The following ZNF423 variants were observed in gnomAD, a reference collection of about 807,000 sequenced individuals.
ZNF423 encodes zinc finger protein 423.
ZNF423 carries 12 observed loss-of-function variants against 95.8 expected under a neutral mutation model. That is an observed-to-expected ratio of 0.13 (90% CI 0.08 to 0.20). ZNF423 has a LOEUF of 0.20. Among genes scored for constraint, ZNF423 ranks in the 10% least tolerant of loss-of-function variants. ZNF423 has a pLI of 1.00. For synonymous variants in ZNF423, 749 were observed against 711.9 expected (o/e 1.05, Z -0.83); for missense variants, 1,316 against 1,737.1 (o/e 0.76, Z 4.31).
At position 49,709,245 on chromosome 16, in the gene ZNF423, C is replaced by T. The variant is rs567011393; in HGVS notation, c.301+21526G>A. On this transcript the variant is annotated intron_variant, in intron 3 of 7. Transcript: ENST00000563137. ...GAAACAAAGCTGACTTCAGAAGCAC[C>T]ATCATTTCCTGCCTCTTGTCTCCCC... 5.1e-4 allele frequency among the ~76,000 whole-genome samples: 76 copies of T among 150,206 alleles called. No homozygotes were observed. The South Asian group carries it at 0.016, about 32-fold the overall frequency.
In ZNF423 at chr16:49,497,751, T is replaced by A. The variant is rs550642188; in HGVS notation, c.3850-6447A>T. On this transcript the variant is annotated intron_variant, in intron 7 of 7. Transcript: ENST00000563137. ...CTAGGGCCAAGCCCGAGAATGCACCTTAACCACTGAGAGATTCCCTTTCCA... is the reference window on the plus strand; with the variant it reads ...CTAGGGCCAAGCCCGAGAATGCACCATAACCACTGAGAGATTCCCTTTCCA... Among the ~76,000 whole-genome samples the A allele has an allele frequency of 2.6e-5, 4 of 152,356 alleles. No individual in the cohort carries two copies. In the East Asian group the frequency reaches 7.7e-4, roughly 29 times the overall value.
intron 5 of ZNF423, among the ~76,000 whole-genome samples, chr16:49,598,063 A>G (rs2044760130): frequency 6.6e-6 from 1 of 152,136 alleles, no homozygotes; most frequent in African/African-American, 2.4e-5. Flanking sequence ...GAGCTTGTCA[A>G]TCACACACAA....
chr16:49,824,228 T>C (rs1299152166), intron 1 of ZNF423, among the ~76,000 whole-genome samples: 2 of 152,092 alleles, frequency 1.3e-5, no homozygotes, highest in Admixed American at 6.6e-5. Flanking sequence ...CAGCCAGGCA[T>C]TGCGTCTCCA....
At chr16:49,569,656 T>C (rs887702357) in intron 5 of ZNF423, among the ~76,000 whole-genome samples, 26 of 152,206 alleles carry the variant, frequency 1.7e-4, no homozygotes, top group African/African-American at 6.0e-4. Flanking sequence ...TGGTAGGCAC[T>C]TGATAAATGG....
At chr16:49,569,096 T>A (rs1413092807) in intron 5 of ZNF423, among the ~76,000 whole-genome samples, 1 of 152,148 alleles carries the variant, frequency 6.6e-6, no homozygotes, top group Non-Finnish European at 1.5e-5. Flanking sequence ...TGGTGACCAA[T>A]CCTGTTTTCT....
At chr16:49,854,832 G>C (rs537749082) in intron 1 of ZNF423, 139 of 985,280 alleles carry the variant, frequency 1.4e-4, no homozygotes, top group Non-Finnish European at 1.6e-4. Context: ...AGGGATGGGT[G>C]TGTGTATCTA....
intron 5 of ZNF423, among the ~76,000 whole-genome samples, chr16:49,551,899 C>T (rs1419349642): frequency 6.6e-6 from 1 of 152,224 alleles, no homozygotes; most frequent in Non-Finnish European, 1.5e-5. Flanking sequence ...CACTTGTACA[C>T]TGTGCAAGTC....
chr16:49,783,412 G>C lies in ZNF423; in HGVS notation c.100+6075C>G, dbSNP rs1471283749. Among the ~76,000 whole-genome samples the C allele has an allele frequency of 2.2e-5, 3 of 135,956 alleles. No individual in the cohort carries two copies. In the East Asian group the frequency reaches 6.6e-4, roughly 30 times the overall value. The allele number at this position is 135,956 out of a possible 152,430, so 89.2% of individuals were successfully genotyped here. Reference sequence around the variant, plus strand: ...AAGAGGGGCGTTAGGGTTAGGGTTAGAGTAGGGTTAGGGTTAGTAGCAGGC... The same window carrying C: ...AAGAGGGGCGTTAGGGTTAGGGTTACAGTAGGGTTAGGGTTAGTAGCAGGC... On this transcript the variant is annotated intron_variant, in intron 2 of 7. Transcript: ENST00000563137.
chr16:49,636,011 C>T lies in ZNF423; in HGVS notation c.3165G>A (p.Ala1055=), dbSNP rs146700251. ...IHGTFHMQKL[A]GSSAASSPNG... ...TGGGGGAGGACGCCGCTGAGCTGCCCGCCAGCTTCTGCATGTGGAAGGTGC... is the reference window on the plus strand; with the variant it reads ...TGGGGGAGGACGCCGCTGAGCTGCCTGCCAGCTTCTGCATGTGGAAGGTGC... Residue 1055 remains alanine, a synonymous_variant, in exon 4 of 8, where the codon GCG becomes GCA. Transcript: ENST00000563137. This position sits in a 1 kb window ranked among gnomAD's most constrained non-coding sequence, Gnocchi z 8.6. The T allele has an allele frequency of 1.5e-4, 245 of 1,606,944 alleles. No homozygotes were observed. Among genetic ancestry groups the T allele is most frequent in the East Asian group, 4.5e-4 (20 of 44,706 alleles).
chr16:49,498,426 G>C (rs1441566812), intron 7 of ZNF423, among the ~76,000 whole-genome samples: 1 of 152,222 alleles, frequency 6.6e-6, no homozygotes, highest in East Asian at 1.9e-4. Flanking sequence ...CAGAAGCACA[G>C]GGTATGTGCC....
At chr16:49,628,208 C>T (rs555330035) in intron 4 of ZNF423, among the ~76,000 whole-genome samples, 13 of 146,296 alleles carry the variant, frequency 8.9e-5, no homozygotes, top group African/African-American at 3.3e-4. Context: ...CCTTCATCTA[C>T]CCACCCATTT....
chr16:49,830,589 A>G (rs1203550125), intron 1 of ZNF423, among the ~76,000 whole-genome samples: 2 of 152,074 alleles, frequency 1.3e-5, no homozygotes, highest in Non-Finnish European at 2.9e-5. Flanking sequence ...GACATTTAGG[A>G]GAGGTATCTT....
At chr16:49,697,429 A>G (rs561115035) in intron 3 of ZNF423, among the ~76,000 whole-genome samples, 36 of 152,220 alleles carry the variant, frequency 2.4e-4, no homozygotes, top group Admixed American at 1.7e-3. Context: ...CCTACCAAGT[A>G]GGCTCCTGGA....
At chr16:49,533,329 G>A (rs1464183611) in intron 5 of ZNF423, among the ~76,000 whole-genome samples, 1 of 152,212 alleles carries the variant, frequency 6.6e-6, no homozygotes, top group Non-Finnish European at 1.5e-5. Context: ...TTCCTTCCTG[G>A]TCCCACACCC....
intron 7 of ZNF423, among the ~76,000 whole-genome samples, chr16:49,494,855 G>A (rs1293290714): frequency 2.6e-5 from 4 of 152,240 alleles, no homozygotes; most frequent in Admixed American, 6.5e-5. Flanking sequence ...TTTGAGGAAC[G>A]TGGGGAGGTT....
At chr16:49,555,650 G>T (rs1364420729) in intron 5 of ZNF423, among the ~76,000 whole-genome samples, 1 of 152,204 alleles carries the variant, frequency 6.6e-6, no homozygotes, top group African/African-American at 2.4e-5. Context: ...ATGGTGGATG[G>T]GTAGATGGAC....
chr16:49,791,579 CTCCATGGG>C (rs1291487560), intron 1 of ZNF423, among the ~76,000 whole-genome samples: 1 of 152,140 alleles, frequency 6.6e-6, no homozygotes, highest in Non-Finnish European at 1.5e-5. Context: ...TCCACAAGGT[CTCCATGGG>C]TCCCTAAACC....
At chr16:49,742,002 G>C (rs1013479195) in intron 2 of ZNF423, among the ~76,000 whole-genome samples, 3 of 152,212 alleles carry the variant, frequency 2.0e-5, no homozygotes, top group African/African-American at 7.2e-5. Flanking sequence ...AACCATGTCA[G>C]ACACAAATCC....
intron 2 of ZNF423, among the ~76,000 whole-genome samples, chr16:49,777,204 C>T (rs1004867913): frequency 5.9e-5 from 9 of 152,156 alleles, no homozygotes; most frequent in South Asian, 2.1e-4. Context: ...TATGTGAAGG[C>T]CCATATATGT....
Sources: allele counts gnomAD v4.1 joint callset (sites outside exome capture counted in the v4.1 genomes callset), GRCh38; gene constraint gnomAD v4.1.1; non-coding constraint Gnocchi (gnomAD v3.1); transcripts MANE v1.5; gene names NCBI Gene and HGNC (gene_info 2026-07-23, HGNC 2026-07-21).